EPHA8: variants seen among roughly 807,000 people sequenced by gnomAD.
The protein encoded by EPHA8 is EPH receptor A8.
EPHA8 carries 58 observed loss-of-function variants against 103.6 expected under a neutral mutation model. That is an observed-to-expected ratio of 0.56 (90% CI 0.45 to 0.70). The LOEUF is 0.70. Among genes scored for constraint, EPHA8 ranks in the 30% least tolerant of loss-of-function variants. EPHA8 has a pLI of 0.00. For synonymous variants in EPHA8, 559 were observed against 572.5 expected (o/e 0.98, Z 0.34); for missense variants, 1,304 against 1,395.2 (o/e 0.93, Z 1.04).
intron 13 of EPHA8, among the ~76,000 whole-genome samples, chr1:22,599,736 G>A (rs1170908802): frequency 5.7e-5 from 1 of 17,464 alleles, no homozygotes; most frequent in Non-Finnish European, 9.4e-5. Flanking sequence ...GGGAAGGAAG[G>A]AGGGAGGGAG....
At chr1:22,586,900 G>T (rs998551744) in intron 4 of EPHA8, among the ~76,000 whole-genome samples, 1 of 152,222 alleles carries the variant, frequency 6.6e-6, no homozygotes, top group Non-Finnish European at 1.5e-5. Flanking sequence ...TCCCCACATC[G>T]GGCAGTTTTT....
At chr1:22,565,115 A>T (rs893529865) in intron 1 of EPHA8, among the ~76,000 whole-genome samples, 1 of 152,220 alleles carries the variant, frequency 6.6e-6, no homozygotes, top group Non-Finnish European at 1.5e-5. Flanking sequence ...ACACATGTAC[A>T]TGCACGTACA....
chr1:22,586,604 A>C lies in EPHA8; in HGVS notation c.948A>C (p.Ala316=). Residue 316 remains alanine, a synonymous_variant, in exon 4 of 17, where the codon GCA becomes GCC. Coordinates refer to ENST00000166244, the MANE Select transcript of EPHA8 (RefSeq NM_020526.5). ...ACTGTGACCTCAGCTACTACCGTGC[A>C]GCCCTGGACCCGCCGTCCTCAGCCT... ...ACHCDLSYYR[A]ALDPPSSACT... The C allele has an allele frequency of 1.2e-6, 2 of 1,613,954 alleles. No homozygotes were observed. The highest frequency in any genetic ancestry group is 1.7e-6 in the Non-Finnish European group (2 of 1,179,962).
At position 22,576,139 on chromosome 1, in the gene EPHA8, G is replaced by T. The variant is rs1640683110; in HGVS notation, c.160-78G>T. 4.0e-6 allele frequency: 6 copies of T among 1,496,536 alleles called. No individual in the cohort carries two copies. In the South Asian group the frequency reaches 6.7e-5, roughly 17 times the overall value. 92.7% of individuals were successfully genotyped at this position (1,496,536 alleles called of 1,614,324 possible). A position where few individuals can be genotyped will look rare whatever the true frequency, so the allele number is the denominator to read the frequency against. On this transcript the variant is annotated intron_variant, in intron 2 of 16. Transcript: ENST00000166244. The surrounding 1 kb of genome is among the most constrained non-coding windows in gnomAD (Gnocchi z 4.8). ...GTCTTTTTTTTTGCCAGCGTCCCCAGCACAGAACACAGGGTCATTGGCAAA... is the reference window on the plus strand; with the variant it reads ...GTCTTTTTTTTTGCCAGCGTCCCCATCACAGAACACAGGGTCATTGGCAAA...
chr1:22,591,293 C>CG (rs1641365747), intron 5 of EPHA8, among the ~76,000 whole-genome samples: 1 of 152,152 alleles, frequency 6.6e-6, no homozygotes, highest in Non-Finnish European at 1.5e-5. Context: ...GGCACAATCA[C>CG]GGCTCACTGC....
At chr1:22,601,577 G>C in intron 16 of EPHA8, 50 bp from the exon 17 acceptor site, 1 of 1,583,208 alleles carries the variant, frequency 6.3e-7, no homozygotes, top group African/African-American at 1.4e-5. Context: ...CTGCGTGCGC[G>C]GCTCCCAGCC....
chr1:22,593,819 C>T (rs1641444428), intron 7 of EPHA8, 133 bp downstream of exon 7: 1 of 1,126,634 alleles, frequency 8.9e-7, no homozygotes, highest in Non-Finnish European at 1.2e-6. Context: ...CTTGCCCTAC[C>T]AAGTGGGGTT....
At chr1:22,565,143 A>C (rs1640321572) in intron 1 of EPHA8, among the ~76,000 whole-genome samples, 1 of 152,212 alleles carries the variant, frequency 6.6e-6, no homozygotes, top group Non-Finnish European at 1.5e-5. Flanking sequence ...GCACATGAAA[A>C]TACGCAACTC....
In EPHA8 at chr1:22,578,631, A is replaced by ATG. The variant is rs1055869975; in HGVS notation, c.823+1757_823+1758dup. On this transcript the variant is annotated intron_variant, in intron 3 of 16. Transcript: ENST00000166244. The stretch of plus-strand genomic sequence containing the variant: ...CATGAGTGTATGTCTGCGTGTGTGC[A>ATG]TGTGTGTATGTGTATGTGTGTGCAT... 4.6e-3 allele frequency among the ~76,000 whole-genome samples: 637 copies of ATG among 137,718 alleles called. 2 individuals are homozygous for ATG. Among genetic ancestry groups the ATG allele is most frequent in the African/African-American group, 0.017 (603 of 34,974 alleles). 90.3% of individuals were successfully genotyped at this position (137,718 alleles called of 152,430 possible).
Position 22,598,067 on chromosome 1 carries a change from G to A in EPHA8, c.2117-84G>A. 1 of 1,508,600 alleles carries A rather than the reference G, an allele frequency of 6.6e-7. No individual in the cohort carries two copies. Among genetic ancestry groups the A allele is most frequent in the Non-Finnish European group, 9.2e-7 (1 of 1,086,908 alleles). The allele number at this position is 1,508,600 out of a possible 1,614,324, so 93.5% of individuals were successfully genotyped here. Reference sequence around the variant, plus strand: ...GGTTTCCAGTGCTGGCACAGGTCCTGAGATGGTGGTATGCTCCTGGGGTCT... The same window carrying A: ...GGTTTCCAGTGCTGGCACAGGTCCTAAGATGGTGGTATGCTCCTGGGGTCT... On this transcript the variant is annotated intron_variant, in intron 11 of 16. Transcript: ENST00000166244. This position sits in a 1 kb window ranked among gnomAD's most constrained non-coding sequence, Gnocchi z 5.1.
rs561086294 is a variant in EPHA8 at position 22,601,795 on chromosome 1, C to T, written c.*54C>T. The T allele has an allele frequency of 2.5e-5, 38 of 1,495,394 alleles. No homozygotes were observed. Among genetic ancestry groups the T allele is most frequent in the Middle Eastern group, 2.2e-4 (1 of 4,582 alleles). 92.6% of individuals were successfully genotyped at this position (1,495,394 alleles called of 1,614,324 possible). On this transcript the variant is annotated 3_prime_UTR_variant, in exon 17 of 17. Coordinates refer to ENST00000166244, the MANE Select transcript of EPHA8 (RefSeq NM_020526.5). ...CCAAGCCCACCCCAGGTCATGCCAG[C>T]GGCAGAGGACGTGAGGGGCTGGCAG...
intron 7 of EPHA8, 66 bp downstream of exon 7, chr1:22,593,752 G>A: frequency 6.9e-7 from 1 of 1,457,252 alleles, no homozygotes; most frequent in Non-Finnish European, 9.1e-7. Context: ...GTCGGGGGGT[G>A]GCCGAGGAGA....
chr1:22,589,404 AAG>A lies in EPHA8; in HGVS notation c.1315+202_1315+203del. ...GAAAAGTGGAACACATTCTATAAGT[AAG>A]AGAAATCCCAAAAGCTCAGAGGCAG... On this transcript the variant is annotated intron_variant, in intron 5 of 16. Coordinates refer to ENST00000166244, the MANE Select transcript of EPHA8 (RefSeq NM_020526.5). This position sits in a 1 kb window ranked among gnomAD's most constrained non-coding sequence, Gnocchi z 4.3. 1 of 1,511,608 alleles carries A rather than the reference AAG, an allele frequency of 6.6e-7. No individual in the cohort carries two copies. The highest frequency in any genetic ancestry group is 1.3e-5 in the South Asian group (1 of 75,982). The allele number at this position is 1,511,608 out of a possible 1,614,324, so 93.6% of individuals were successfully genotyped here.
rs1384041790 is a variant in EPHA8 at position 22,563,662 on chromosome 1, C to G, written c.27C>G (p.Pro9=). 1 of 146,750 alleles carries G rather than the reference C, an allele frequency of 6.8e-6. No individual in the cohort carries two copies. Among genetic ancestry groups the G allele is most frequent in the Non-Finnish European group, 1.5e-5 (1 of 65,726 alleles). 9.1% of individuals were successfully genotyped at this position (146,750 alleles called of 1,614,324 possible). A position where few individuals can be genotyped will look rare whatever the true frequency, so the allele number is the denominator to read the frequency against. Reference sequence around the variant, plus strand: ...TGGCCCCCGCCCGGGGCCGCCTGCCCCCTGCGCTCTGGGTCGTCACGGCCG... The same window carrying G: ...TGGCCCCCGCCCGGGGCCGCCTGCCGCCTGCGCTCTGGGTCGTCACGGCCG... The part of the protein sequence containing the change: MAPARGRL[P]PALWVVTAAA... The change falls in exon 1 of 17, where the codon CCC becomes CCG. Residue 9 remains proline, a synonymous_variant. Coordinates refer to ENST00000166244, the MANE Select transcript of EPHA8 (RefSeq NM_020526.5). This position sits in a 1 kb window ranked among gnomAD's most constrained non-coding sequence, Gnocchi z 4.4.
At position 22,589,582 on chromosome 1, in the gene EPHA8, C is replaced by T. The variant is rs529451033; in HGVS notation, c.1315+376C>T. The T allele has an allele frequency of 7.6e-7, 1 of 1,314,444 alleles. No homozygotes were observed. Among genetic ancestry groups the T allele is most frequent in the East Asian group, 2.9e-5 (1 of 35,040 alleles). 81.4% of individuals were successfully genotyped at this position (1,314,444 alleles called of 1,614,324 possible). On this transcript the variant is annotated intron_variant, in intron 5 of 16. Coordinates refer to ENST00000166244, the MANE Select transcript of EPHA8 (RefSeq NM_020526.5). The surrounding 1 kb of genome is among the most constrained non-coding windows in gnomAD (Gnocchi z 4.3). ...TGAAATTGCTTAGCCCAGCACCTGG[C>T]CCGTGGTAAATGCTCAATAAATGTC...
At chr1:22,568,546 A>G (rs547404643) in intron 1 of EPHA8, among the ~76,000 whole-genome samples, 143 of 152,302 alleles carry the variant, frequency 9.4e-4, no homozygotes, top group Non-Finnish European at 1.0e-3. Flanking sequence ...TTTTATCTGT[A>G]AAATGGAGGT....
At chr1:22,600,247 CAG>C (rs962228641) in intron 13 of EPHA8, among the ~76,000 whole-genome samples, 3 of 112,632 alleles carry the variant, frequency 2.7e-5, no homozygotes, top group Non-Finnish European at 5.1e-5. Context: ...GAAGGAAGGA[CAG>C]AAGGAGGAAG....
chr1:22,573,660 T>A (rs1360458444), intron 2 of EPHA8, among the ~76,000 whole-genome samples: 1 of 152,164 alleles, frequency 6.6e-6, no homozygotes, highest in Non-Finnish European at 1.5e-5. Context: ...AACCCCTCCC[T>A]CTGCCCTCAT....
chr1:22,578,883 C>A (rs10917255), intron 3 of EPHA8, among the ~76,000 whole-genome samples: 1 of 115,834 alleles, frequency 8.6e-6, no homozygotes, highest in Non-Finnish European at 1.8e-5. Flanking sequence ...GTCCGTGTGT[C>A]CGTGTGTGCA....
Sources: gnomAD v4.1 joint callset for allele counts (sites outside exome capture counted in the v4.1 genomes callset) on GRCh38, gnomAD v4.1.1 for gene constraint, Gnocchi (gnomAD v3.1) non-coding constraint, MANE v1.5 for transcripts, NCBI Gene and HGNC (gene_info 2026-07-23, HGNC 2026-07-21) for gene names.